The following CFAP299 variants were observed in gnomAD, a reference collection of about 807,000 sequenced individuals.
CFAP299 encodes cilia- and flagella-associated protein 299.
In CFAP299, 21 loss-of-function variants were observed where a neutral mutation model predicts 27.0. The observed-to-expected ratio is 0.78, with a 90% CI of 0.55 to 1.12. CFAP299 has a LOEUF of 1.12. CFAP299 is among the 50% of genes most tolerant of loss of function. CFAP299 has a pLI of 0.00. For synonymous variants in CFAP299, 104 were observed against 98.1 expected, an observed-to-expected ratio of 1.06 and a Z score of -0.36; for missense variants, 310 against 276.6, an observed-to-expected ratio of 1.12 and a Z score of -0.86.
At chr4:80,467,392 C>T (rs1729759601) in intron 2 of CFAP299, among the ~76,000 whole-genome samples, 1 of 152,164 alleles carries the variant, frequency 6.6e-6, no homozygotes, top group Admixed American at 6.5e-5. Flanking sequence ...ATCCTTATTT[C>T]CCTTTTTCAC....
chr4:80,437,800 T>C (rs982144732), intron 2 of CFAP299, among the ~76,000 whole-genome samples: 1 of 152,182 alleles, frequency 6.6e-6, no homozygotes, highest in African/African-American at 2.4e-5. Context: ...ATTAGTAATA[T>C]TGTAATTTTT....
At chr4:80,872,991 A>G in intron 4 of CFAP299, 2 of 982,344 alleles carry the variant, frequency 2.0e-6, no homozygotes, top group South Asian at 4.7e-5. Flanking sequence ...TGCATTTTAA[A>G]CTTTACCTCT....
intron 3 of CFAP299, among the ~76,000 whole-genome samples, chr4:80,634,027 C>T (rs1011151245): frequency 6.7e-6 from 1 of 148,598 alleles, no homozygotes; most frequent in African/African-American, 2.5e-5. Context: ...CTCTGTCGCC[C>T]AGGCTGTAGT....
chr4:80,520,929 G>A (rs17489919), intron 2 of CFAP299, among the ~76,000 whole-genome samples: 11,971 of 152,180 alleles, frequency 0.079, 538 homozygotes, highest in Non-Finnish European at 0.094. Context: ...ATGGGGCTAG[G>A]AACATGACTC....
chr4:80,377,373 T>C (rs1378993919), intron 2 of CFAP299, among the ~76,000 whole-genome samples: 1 of 152,140 alleles, frequency 6.6e-6, no homozygotes, highest in East Asian at 1.9e-4. Context: ...TTGAAAAGAC[T>C]ATTCTTTTTC....
At chr4:80,386,382 G>C (rs1342243159) in intron 2 of CFAP299, 1 of 1,519,516 alleles carries the variant, frequency 6.6e-7, no homozygotes, top group Non-Finnish European at 8.9e-7. Flanking sequence ...GCCCGGGACG[G>C]CCTCGGGCAC....
At chr4:80,860,067 T>G (rs532112359) in intron 3 of CFAP299, among the ~76,000 whole-genome samples, 3 of 152,336 alleles carry the variant, frequency 2.0e-5, no homozygotes, top group Admixed American at 2.0e-4. Context: ...GTAGATTTGG[T>G]CTTTTCACAT....
rs140921270 is a variant in CFAP299 at position 80,427,110 on chromosome 4, G to C, written c.242+64226G>C. ...GGAAAACGGGATATCACAAGCAAAA[G>C]AATTTGAGGAAATGCTATAGTAATC... On this transcript the variant is annotated intron_variant, in intron 2 of 5. Transcript: ENST00000358105. 4.6e-4 allele frequency among the ~76,000 whole-genome samples: 70 copies of C among 152,176 alleles called. 1 individual carries two copies. The highest frequency in any genetic ancestry group is 1.6e-3 in the African/African-American group (68 of 41,540).
chr4:80,591,988 T>C (rs1308429414), intron 3 of CFAP299, among the ~76,000 whole-genome samples: 1 of 152,202 alleles, frequency 6.6e-6, no homozygotes, highest in African/African-American at 2.4e-5. Context: ...TTCAAAAACA[T>C]TGGTAAACTG....
intron 2 of CFAP299, among the ~76,000 whole-genome samples, chr4:80,414,237 AT>A (rs1219486468): frequency 6.6e-6 from 1 of 150,668 alleles, no homozygotes; most frequent in Non-Finnish European, 1.5e-5. Context: ...CGCCCGGCTA[AT>A]TTTTTGTATT....
At chr4:80,646,914 A>G (rs1293735468) in intron 3 of CFAP299, among the ~76,000 whole-genome samples, 2 of 152,160 alleles carry the variant, frequency 1.3e-5, no homozygotes, top group Non-Finnish European at 2.9e-5. Context: ...TTTAAAATAT[A>G]TAAGTTAGAA....
chr4:80,341,577 C>T (rs553880663), intron 1 of CFAP299, among the ~76,000 whole-genome samples: 2 of 152,178 alleles, frequency 1.3e-5, no homozygotes, highest in Non-Finnish European at 2.9e-5. Flanking sequence ...GATCCCCCAA[C>T]AAGCAGCCCT....
At position 80,799,808 on chromosome 4, in the gene CFAP299, TA is replaced by T. The variant is rs1176249540; in HGVS notation, c.334-70182del. On this transcript the variant is annotated intron_variant, in intron 3 of 5. Transcript: ENST00000358105. ...ATTATATATTATATTATATAATATATAAATATATATATTATATATATTTATA... is the reference window on the plus strand; with the variant it reads ...ATTATATATTATATTATATAATATATAATATATATATTATATATATTTATA... Among the ~76,000 whole-genome samples, 13 of 24,144 alleles carry T rather than the reference TA, an allele frequency of 5.4e-4. 1 individual carries two copies. The highest frequency in any genetic ancestry group is 1.8e-3 in the South Asian group (1 of 560). The allele number at this position is 24,144 out of a possible 152,430, so 15.8% of individuals were successfully genotyped here.
chr4:80,368,302 G>A (rs940654296), intron 2 of CFAP299, among the ~76,000 whole-genome samples: 1 of 152,004 alleles, frequency 6.6e-6, no homozygotes, highest in Non-Finnish European at 1.5e-5. Context: ...TTGATGAAGA[G>A]GATTTCTATG....
intron 3 of CFAP299, among the ~76,000 whole-genome samples, chr4:80,664,651 C>A (rs1189272948): frequency 6.6e-6 from 1 of 152,174 alleles, no homozygotes; most frequent in Non-Finnish European, 1.5e-5. Context: ...GCCAGTGGAT[C>A]TTAGCTTGCT....
At chr4:80,916,266 TA>T in intron 4 of CFAP299, among the ~76,000 whole-genome samples, 1 of 90,518 alleles carries the variant, frequency 1.1e-5, no homozygotes, top group East Asian at 3.7e-4. Context: ...TATATATATA[TA>T]TATATATATA....
intron 2 of CFAP299, among the ~76,000 whole-genome samples, chr4:80,522,743 T>C (rs1246558167): frequency 6.6e-6 from 1 of 152,180 alleles, no homozygotes; most frequent in African/African-American, 2.4e-5. Context: ...GCACTATTTG[T>C]TGAAGAAGCT....
intron 2 of CFAP299, among the ~76,000 whole-genome samples, chr4:80,449,038 ATCT>A (rs1728771045): frequency 6.6e-6 from 1 of 152,144 alleles, no homozygotes; most frequent in Admixed American, 6.5e-5. Context: ...GGAGTTCTAC[ATCT>A]TCTTCTGCCA....
chr4:80,799,972 A>C (rs1430811243), intron 3 of CFAP299, among the ~76,000 whole-genome samples: 3 of 58,514 alleles, frequency 5.1e-5, no homozygotes, highest in Non-Finnish European at 8.5e-5. Flanking sequence ...TAATATTTAT[A>C]TAATATAATA....
Sources: allele counts gnomAD v4.1 joint callset (sites outside exome capture counted in the v4.1 genomes callset), GRCh38; gene constraint gnomAD v4.1.1; transcripts MANE v1.5; gene names NCBI Gene and HGNC (gene_info 2026-07-23, HGNC 2026-07-21).